Variants in MTUS2 observed in about 807,000 individuals in gnomAD.
The protein encoded by MTUS2 is microtubule-associated tumor suppressor candidate 2.
A neutral mutation model predicts 114.1 loss-of-function variants in MTUS2; 40 were observed. The ratio of observed to expected loss-of-function variants is 0.35; its 90% CI spans 0.27 to 0.46. The LOEUF (loss-of-function observed/expected upper bound fraction) is 0.46, where lower values mean the gene tolerates loss of function less well. Ranked by LOEUF, MTUS2 falls within the 20% of genes least tolerant of loss-of-function variation. The probability of loss-of-function intolerance (pLI) is 1.00; values close to 1 mark genes in which losing one functional copy is unlikely to be tolerated. For missense variants in MTUS2, 1,679 were observed against 1,705.4 expected, an observed-to-expected ratio of 0.98 and a Z score of 0.27; for synonymous variants, 688 against 672.0, an observed-to-expected ratio of 1.02 and a Z score of -0.37.
chr13:29,408,695 T>C (rs1366272583), intron 8 of MTUS2, among the ~76,000 whole-genome samples: 1 of 152,096 alleles, frequency 6.6e-6, no homozygotes, highest in Non-Finnish European at 1.5e-5. Context: ...TTTTTTCATA[T>C]AGATAACCAT....
At chr13:29,307,558 G>C in intron 6 of MTUS2, 1 of 1,246,564 alleles carries the variant, frequency 8.0e-7, no homozygotes, top group South Asian at 1.2e-5. Context: ...CATCAAGAAG[G>C]TGGTAAAGCA....
At chr13:28,854,617 T>C (rs192704897) in intron 2 of MTUS2, among the ~76,000 whole-genome samples, 1 of 152,366 alleles carries the variant, frequency 6.6e-6, no homozygotes, top group African/African-American at 2.4e-5. Context: ...TAAAAAGCCT[T>C]GAAAAATAAT....
chr13:28,905,905 G>A (rs2137983479), intron 2 of MTUS2, among the ~76,000 whole-genome samples: 1 of 151,698 alleles, frequency 6.6e-6, no homozygotes, highest in South Asian at 2.1e-4. Context: ...TGGTTGGTAA[G>A]CTATTGATTA....
At chr13:29,432,328 G>T (rs1232672573) in intron 8 of MTUS2, among the ~76,000 whole-genome samples, 1 of 152,122 alleles carries the variant, frequency 6.6e-6, no homozygotes, top group Non-Finnish European at 1.5e-5. Context: ...CCAGGATGAA[G>T]CCAGGAGCTC....
chr13:29,251,996 GA>G (rs1274287450), intron 5 of MTUS2, among the ~76,000 whole-genome samples: 1 of 152,016 alleles, frequency 6.6e-6, no homozygotes, highest in Non-Finnish European at 1.5e-5. Flanking sequence ...TTAATTTTTG[GA>G]GGAACCACCA....
rs1417764 is a variant in MTUS2, at chr13:28,847,715, G to T, written c.-243+7865G>T. Among the ~76,000 whole-genome samples, 235 of 152,028 alleles carry T rather than the reference G, an allele frequency of 1.5e-3. 2 individuals carry two copies. The highest frequency in any genetic ancestry group is 9.7e-4 in the Non-Finnish European group (66 of 67,988). On this transcript the variant is annotated intron_variant, in intron 2 of 15. Coordinates refer to ENST00000612955, the MANE Select transcript of MTUS2 (RefSeq NM_001033602.4). ...CATCTTGGCTTTTTCAGCACCTCCCGGGCCCATCTCCTGGCTGGTCTCAAG... is the reference window on the plus strand; with the variant it reads ...CATCTTGGCTTTTTCAGCACCTCCCTGGCCCATCTCCTGGCTGGTCTCAAG...
intron 2 of MTUS2, among the ~76,000 whole-genome samples, chr13:29,009,358 TA>T (rs199602442): frequency 6.7e-6 from 1 of 149,680 alleles, no homozygotes; most frequent in Admixed American, 6.7e-5. Flanking sequence ...TGTACACTAT[TA>T]ACTATAATAA....
chr13:29,471,888 G>A (rs1880343053), intron 9 of MTUS2, among the ~76,000 whole-genome samples: 2 of 152,184 alleles, frequency 1.3e-5, no homozygotes, highest in African/African-American at 4.8e-5. Flanking sequence ...CACCCAGGAA[G>A]CACTCGCAGA....
chr13:29,029,272 C>T (rs750068886), intron 3 of MTUS2, among the ~76,000 whole-genome samples: 2 of 152,090 alleles, frequency 1.3e-5, no homozygotes, highest in Non-Finnish European at 2.9e-5. Context: ...TCTTGCTGTG[C>T]GGGGCTGCAT....
At chr13:29,034,260 G>A (rs1051348128) in intron 4 of MTUS2, 135 bp downstream of exon 4, 8 of 1,170,656 alleles carry the variant, frequency 6.8e-6, no homozygotes, top group Admixed American at 2.3e-5. Context: ...CCATATGTCT[G>A]TAGATGCAGA....
In MTUS2 at chr13:28,952,023, C is replaced by T. The variant is rs113892782; in HGVS notation, c.-242-72434C>T. On this transcript the variant is annotated intron_variant, in intron 2 of 15. Coordinates refer to ENST00000612955, the MANE Select transcript of MTUS2 (RefSeq NM_001033602.4). ...TAACCCATCTTTGTGTGGAAGTGCA[C>T]CAGTGGCAAATGCCTGGATGACCTT... 8.6e-3 allele frequency among the ~76,000 whole-genome samples: 1,303 copies of T among 152,104 alleles called. 20 individuals are homozygous for T. Among genetic ancestry groups the T allele is most frequent in the African/African-American group, 0.029 (1,187 of 41,476 alleles).
chr13:28,839,160 A>G (rs1411583462), intron 1 of MTUS2, among the ~76,000 whole-genome samples: 1 of 152,198 alleles, frequency 6.6e-6, no homozygotes, highest in Non-Finnish European at 1.5e-5. Flanking sequence ...CTTTTCTACC[A>G]CTAGCAACTA....
intron 8 of MTUS2, among the ~76,000 whole-genome samples, chr13:29,418,038 C>A (rs747238542): frequency 2.6e-5 from 4 of 152,098 alleles, no homozygotes; most frequent in Admixed American, 6.6e-5. Context: ...GTCTTGCCTA[C>A]ATTTCCTGAC....
At chr13:29,236,130 C>T (rs527785030) in intron 5 of MTUS2, among the ~76,000 whole-genome samples, 6 of 152,050 alleles carry the variant, frequency 3.9e-5, no homozygotes, top group Non-Finnish European at 8.8e-5. Context: ...TACTCTTTCT[C>T]CTCTAATTTA....
chr13:29,225,635 T>C (rs1896077533), intron 5 of MTUS2, among the ~76,000 whole-genome samples: 1 of 152,226 alleles, frequency 6.6e-6, no homozygotes, highest in African/African-American at 2.4e-5. Context: ...CTGAAATGAA[T>C]TCTCTTTAGT....
chr13:29,410,569 C>G (rs1028349027), intron 8 of MTUS2, among the ~76,000 whole-genome samples: 1 of 152,016 alleles, frequency 6.6e-6, no homozygotes, highest in Non-Finnish European at 1.5e-5. Context: ...GTTAATTTTT[C>G]TGTTGGGTTT....
At chr13:28,906,040 G>T (rs568613339) in intron 2 of MTUS2, among the ~76,000 whole-genome samples, 1 of 151,552 alleles carries the variant, frequency 6.6e-6, no homozygotes, top group African/African-American at 2.4e-5. Context: ...GTTTATTTGC[G>T]TAGAGTTGTT....
rs139157724 is a variant in MTUS2, at chr13:29,400,566, G to C, written c.3118-39417G>C. Among the ~76,000 whole-genome samples, 191 of 152,316 alleles carry C rather than the reference G, an allele frequency of 1.3e-3. 1 individual carries two copies. The highest frequency in any genetic ancestry group is 4.3e-3 in the African/African-American group (180 of 41,564). On this transcript the variant is annotated intron_variant, in intron 8 of 15. Coordinates refer to ENST00000612955, the MANE Select transcript of MTUS2 (RefSeq NM_001033602.4). ...TAATCAAAGAAGAAGACAGTAATCT[G>C]TTCTGGAAATCTGTCACATCTGGCC...
chr13:29,025,237 C>A lies in MTUS2; in HGVS notation c.539C>A (p.Ala180Glu). The change falls in exon 3 of 16, where the codon GCA becomes GAA. Residue 180 changes from alanine (A) to glutamate (E), a missense_variant. Coordinates refer to ENST00000612955, the MANE Select transcript of MTUS2 (RefSeq NM_001033602.4). ...CTGAGGAGGCATTCTTTGGAAAGAG[C>A]AAGCAGCTCTGTAGCTGCAGTCGGG... ...EELRRHSLER[A>E]SSSVAAVGSL... The A allele has an allele frequency of 6.2e-7, 1 of 1,614,006 alleles. No individual in the cohort carries two copies.
Sources: gnomAD v4.1 joint callset for allele counts (sites outside exome capture counted in the v4.1 genomes callset) on GRCh38, gnomAD v4.1.1 for gene constraint, MANE v1.5 for transcripts, NCBI Gene and HGNC (gene_info 2026-07-23, HGNC 2026-07-21) for gene names.